The following WDR49 variants were observed in gnomAD, a reference collection of about 807,000 sequenced individuals.
WDR49 encodes the protein WD repeat domain 49.
Under a neutral mutation model 119.5 loss-of-function variants are expected in WDR49, and 107 were observed. The ratio of observed to expected loss-of-function variants is 0.90; its 90% CI spans 0.77 to 1.05. The LOEUF (loss-of-function observed/expected upper bound fraction) is 1.05. Ranked by LOEUF, WDR49 falls within the 50% of genes least tolerant of loss-of-function variation. The pLI is 0.00. For missense variants in WDR49, 1,240 were observed against 1,220.5 expected, an observed-to-expected ratio of 1.02 and a Z score of -0.24; for synonymous variants, 425 against 418.8, an observed-to-expected ratio of 1.01 and a Z score of -0.18.
chr3:167,515,181 C>T (rs1752152437), intron 16 of WDR49, among the ~76,000 whole-genome samples: 1 of 151,830 alleles, frequency 6.6e-6, no homozygotes, highest in Admixed American at 6.6e-5. Context: ...CAAAACAAAA[C>T]AACGAAAAAA....
At chr3:167,537,495 T>C (rs930355502) in intron 10 of WDR49, among the ~76,000 whole-genome samples, 3 of 152,170 alleles carry the variant, frequency 2.0e-5, no homozygotes, top group African/African-American at 4.8e-5. Context: ...GAATCCATTC[T>C]CTTGGAGTCT....
chr3:167,557,976 C>A (rs1713042596), intron 9 of WDR49, among the ~76,000 whole-genome samples: 1 of 151,976 alleles, frequency 6.6e-6, no homozygotes, highest in Admixed American at 6.6e-5. Context: ...AATGGCCAGG[C>A]ACAGTGGCAC....
intron 10 of WDR49, among the ~76,000 whole-genome samples, chr3:167,542,727 G>A (rs535244811): frequency 2.0e-5 from 3 of 151,218 alleles, no homozygotes; most frequent in Admixed American, 2.0e-4. Context: ...ATACATCAAG[G>A]AACTAGAGAA....
rs1293023845 is a variant in WDR49 at position 167,536,922 on chromosome 3, G to A, written c.1902C>T (p.His634=). The change falls in exon 11 of 19, where the codon CAC becomes CAT. Residue 634 remains histidine (H), a synonymous_variant. Coordinates refer to ENST00000682715, the MANE Select transcript of WDR49 (RefSeq NM_001366157.1). ...ACGCAGCACACAAGATGTCATCATG[G>A]TGCTGTATACCTCCTTTCCATTCTT... is the stretch of plus-strand genomic sequence containing the variant. ...QPEEWKGGIQ[H]HDDILCAAFL... 2.5e-6 allele frequency: 4 copies of A among 1,572,446 alleles called. No individual in the cohort carries two copies. The South Asian group carries it at 3.6e-5, about 14-fold the overall frequency.
chr3:167,490,627 T>G (rs1751099609), intron 18 of WDR49, among the ~76,000 whole-genome samples: 1 of 152,168 alleles, frequency 6.6e-6, no homozygotes, highest in Non-Finnish European at 1.5e-5. Flanking sequence ...AAAGCTTATG[T>G]GTATATTTTT....
At chr3:167,606,851 G>T (rs1262939817) in intron 5 of WDR49, among the ~76,000 whole-genome samples, 3 of 152,092 alleles carry the variant, frequency 2.0e-5, no homozygotes, top group Non-Finnish European at 4.4e-5. Context: ...ACCAAAGACA[G>T]GTTAACAAGA....
chr3:167,557,231 C>A (rs752440502), intron 9 of WDR49, among the ~76,000 whole-genome samples: 1 of 151,932 alleles, frequency 6.6e-6, no homozygotes, highest in Non-Finnish European at 1.5e-5. Context: ...GGCATATACC[C>A]TTTAAAAATT....
chr3:167,495,772 C>T (rs73878726), intron 18 of WDR49, among the ~76,000 whole-genome samples: 2,586 of 146,172 alleles, frequency 0.018, 55 homozygotes, highest in African/African-American at 0.059. Context: ...AAAACCAAGG[C>T]TAAAGAGAAG....
rs998842746 is a variant in WDR49, at chr3:167,601,986, T to C, written c.1275+141A>G. The C allele has an allele frequency of 5.3e-5, 58 of 1,089,822 alleles. No individual in the cohort carries two copies. In the South Asian group the frequency reaches 6.9e-4, roughly 13 times the overall value. The allele number at this position is 1,089,822 out of a possible 1,614,324, so 67.5% of individuals were successfully genotyped here. Reference sequence around the variant, plus strand: ...CATCAACCAACACCTTTTCCAAATATAGACTTCCAAAAACATAAGTAGCTA... The same window carrying C: ...CATCAACCAACACCTTTTCCAAATACAGACTTCCAAAAACATAAGTAGCTA... On this transcript the variant is annotated intron_variant, in intron 7 of 18. Transcript: ENST00000682715.
intron 2 of WDR49, among the ~76,000 whole-genome samples, chr3:167,643,432 C>A (rs1396858666): frequency 1.3e-5 from 2 of 151,832 alleles, no homozygotes; most frequent in East Asian, 3.9e-4. Flanking sequence ...TCATGAAAGA[C>A]AAGAAAAAGT....
At position 167,529,192 on chromosome 3, in the gene WDR49, A is replaced by G. The variant is rs768589954; in HGVS notation, c.2266T>C (p.Trp756Arg). 1 of 1,610,286 alleles carries G rather than the reference A, an allele frequency of 6.2e-7. No individual in the cohort carries two copies. The highest frequency in any genetic ancestry group is 2.2e-5 in the East Asian group (1 of 44,696). The change falls in exon 14 of 19, where the codon TGG (tryptophan) becomes CGG (arginine). Residue 756 changes from tryptophan (W) to arginine (R), a missense_variant. Trp to Arg is a moderately radical substitution (Grantham distance 101). Transcript: ENST00000682715. ...SCGGSGYVRF[W>R]DIYKKQLLAE... ...AGAAGTTGCTTCTTATATATATCCC[A>G]AAATCTGACATAACCAGATCCTCCA...
At chr3:167,615,209 A>C (rs1716536624) in intron 5 of WDR49, among the ~76,000 whole-genome samples, 1 of 152,196 alleles carries the variant, frequency 6.6e-6, no homozygotes, top group African/African-American at 2.4e-5. Context: ...ATCACGGCTC[A>C]CTGCAGCCTC....
intron 10 of WDR49, among the ~76,000 whole-genome samples, chr3:167,542,274 T>G (rs978065407): frequency 4.6e-5 from 7 of 152,072 alleles, no homozygotes; most frequent in Admixed American, 3.9e-4. Context: ...AACTATACCC[T>G]AGAACAAATG....
At chr3:167,592,445 T>G (rs1040098682) in intron 7 of WDR49, among the ~76,000 whole-genome samples, 1 of 150,294 alleles carries the variant, frequency 6.7e-6, no homozygotes, top group Non-Finnish European at 1.5e-5. Flanking sequence ...TTCTTTTTTT[T>G]TTTTTTTTGA....
chr3:167,577,163 A>C (rs1359691960), intron 7 of WDR49, among the ~76,000 whole-genome samples: 1 of 152,172 alleles, frequency 6.6e-6, no homozygotes, highest in African/African-American at 2.4e-5. Flanking sequence ...GACATTAAAA[A>C]ATTGTTTTTC....
intron 10 of WDR49, among the ~76,000 whole-genome samples, chr3:167,543,875 G>T (rs1282551686): frequency 6.6e-6 from 1 of 151,780 alleles, no homozygotes; most frequent in African/African-American, 2.4e-5. Context: ...TGATATGATT[G>T]TATACCTAGA....
At chr3:167,575,365 A>C (rs1327581319) in intron 8 of WDR49, 8 of 878,888 alleles carry the variant, frequency 9.1e-6, no homozygotes, top group Non-Finnish European at 9.6e-6. Flanking sequence ...CCCCTAAGCC[A>C]AGGCTGCGGA....
At chr3:167,496,906 C>G (rs770279179) in intron 18 of WDR49, among the ~76,000 whole-genome samples, 2 of 148,538 alleles carry the variant, frequency 1.3e-5, no homozygotes, top group Non-Finnish European at 3.0e-5. Flanking sequence ...TTTGACTTTA[C>G]CTCTACTAAC....
At chr3:167,483,754 C>T (rs1750814100) in intron 18 of WDR49, among the ~76,000 whole-genome samples, 1 of 152,038 alleles carries the variant, frequency 6.6e-6, no homozygotes, top group Non-Finnish European at 1.5e-5. Context: ...ATGATTGTTG[C>T]TTGTAACCTT....
Sources: gnomAD v4.1 joint callset for allele counts (sites outside exome capture counted in the v4.1 genomes callset) on GRCh38, gnomAD v4.1.1 for gene constraint, MANE v1.5 for transcripts, NCBI Gene and HGNC (gene_info 2026-07-23, HGNC 2026-07-21) for gene names.